ATE1: variants seen among roughly 807,000 people sequenced by gnomAD.
ATE1 encodes the protein arginyltransferase 1.
Under a neutral mutation model 70.5 loss-of-function variants are expected in ATE1, and 36 were observed. The ratio of observed to expected loss-of-function variants is 0.51; its 90% CI spans 0.39 to 0.67. The LOEUF (loss-of-function observed/expected upper bound fraction) is 0.67, where lower values mean the gene tolerates loss of function less well. Ranked by LOEUF, ATE1 falls within the 30% of genes least tolerant of loss-of-function variation. The probability of loss-of-function intolerance (pLI) is 0.00; values close to 1 mark genes in which losing one functional copy is unlikely to be tolerated. For synonymous variants in ATE1, 232 were observed against 219.3 expected (o/e 1.06, Z -0.51); for missense variants, 593 against 629.5 (o/e 0.94, Z 0.62).
chr10:121,781,777 C>T (rs1311020744), intron 11 of ATE1, among the ~76,000 whole-genome samples: 2 of 152,328 alleles, frequency 1.3e-5, no homozygotes, highest in East Asian at 3.9e-4. Flanking sequence ...CTATTGTCAA[C>T]ATGCCCTTCT....
At chr10:121,884,111 A>AAG (rs1427179393) in intron 7 of ATE1, among the ~76,000 whole-genome samples, 1 of 149,858 alleles carries the variant, frequency 6.7e-6, no homozygotes, top group East Asian at 1.9e-4. Context: ...GACTCAAAAA[A>AAG]AAAAAAAAAA....
chr10:121,762,631 A>T (rs1235116886), intron 11 of ATE1, among the ~76,000 whole-genome samples: 1 of 151,976 alleles, frequency 6.6e-6, no homozygotes, highest in Non-Finnish European at 1.5e-5. Flanking sequence ...AGTGTGAGTG[A>T]GCTTGGTGAG....
intron 5 of ATE1, among the ~76,000 whole-genome samples, chr10:121,908,536 T>A (rs908954547): frequency 6.6e-6 from 1 of 151,982 alleles, no homozygotes; most frequent in African/African-American, 2.4e-5. Flanking sequence ...TTGCTATGGG[T>A]TTTTATGAGA....
chr10:121,892,589 C>A (rs1455142651), intron 7 of ATE1, among the ~76,000 whole-genome samples: 3 of 151,754 alleles, frequency 2.0e-5, no homozygotes. Flanking sequence ...TCACTGCAAC[C>A]TCTGCCTTCC....
At chr10:121,819,228 G>C (rs2133565677) in intron 10 of ATE1, among the ~76,000 whole-genome samples, 1 of 152,286 alleles carries the variant, frequency 6.6e-6, no homozygotes, top group South Asian at 2.1e-4. Flanking sequence ...CTCTTGGAAT[G>C]GAATGTACTC....
At chr10:121,908,151 T>G (rs1012911094) in intron 5 of ATE1, among the ~76,000 whole-genome samples, 4 of 152,122 alleles carry the variant, frequency 2.6e-5, no homozygotes, top group African/African-American at 9.7e-5. Context: ...ACAAGAAAAC[T>G]AACTGGTCAC....
At chr10:121,916,651 C>T (rs533600048) in intron 3 of ATE1, among the ~76,000 whole-genome samples, 2 of 151,870 alleles carry the variant, frequency 1.3e-5, no homozygotes, top group Non-Finnish European at 2.9e-5. Context: ...CTGGCTAACA[C>T]GGTGAAACCC....
At chr10:121,887,096 C>A (rs1051288383) in intron 7 of ATE1, among the ~76,000 whole-genome samples, 20 of 152,054 alleles carry the variant, frequency 1.3e-4, no homozygotes, top group African/African-American at 4.6e-4. Context: ...GAAAAAGAAG[C>A]CTTTATTCAT....
At position 121,786,202 on chromosome 10, in the gene ATE1, G is replaced by GTTTT. The variant is rs66781912; in HGVS notation, c.1378+3963_1378+3966dup. Among the ~76,000 whole-genome samples, 11 of 84,518 alleles carry GTTTT rather than the reference G, an allele frequency of 1.3e-4. No individual in the cohort carries two copies. In the East Asian group the frequency reaches 2.8e-3, roughly 22 times the overall value. 55.4% of individuals were successfully genotyped at this position (84,518 alleles called of 152,430 possible). ...TGGGAAACAGCACATGCTCAAGAAA[G>GTTTT]TTTTTTTTTTTTTTTTTTTTTTTTT... On this transcript the variant is annotated intron_variant, in intron 11 of 11. Transcript: ENST00000224652.
intron 10 of ATE1, among the ~76,000 whole-genome samples, chr10:121,818,508 A>T (rs974430782): frequency 6.6e-6 from 1 of 152,198 alleles, no homozygotes; most frequent in Non-Finnish European, 1.5e-5. Flanking sequence ...GCAGGCACTC[A>T]AACACACAAA....
chr10:121,880,121 G>C (rs915962791), intron 7 of ATE1, among the ~76,000 whole-genome samples: 4 of 152,086 alleles, frequency 2.6e-5, no homozygotes, highest in African/African-American at 9.7e-5. Flanking sequence ...AATAAAAATG[G>C]AATATGTTAT....
rs1271607082 is a variant in ATE1 at position 121,741,937 on chromosome 10, T to C, written c.*1743A>G. 6.6e-6 allele frequency: 1 copy of C among 152,222 alleles called. No individual in the cohort carries two copies. Among genetic ancestry groups the C allele is most frequent in the East Asian group, 1.9e-4 (1 of 5,198 alleles). 9.4% of individuals were successfully genotyped at this position (152,222 alleles called of 1,614,324 possible). On this transcript the variant is annotated 3_prime_UTR_variant, in exon 12 of 12. Transcript: ENST00000224652. ...TTCTTAATGTTCTAACTGCTTACAGTGTCACTTTTGTTATAATCATAAAAT... is the reference window on the plus strand; with the variant it reads ...TTCTTAATGTTCTAACTGCTTACAGCGTCACTTTTGTTATAATCATAAAAT...
intron 8 of ATE1, among the ~76,000 whole-genome samples, chr10:121,858,029 T>C (rs1949312459): frequency 1.3e-5 from 2 of 152,214 alleles, no homozygotes; most frequent in Admixed American, 1.3e-4. Context: ...TTCCCTCCTT[T>C]TTAAGGCTGA....
intron 10 of ATE1, among the ~76,000 whole-genome samples, chr10:121,817,405 G>A (rs1056189749): frequency 9.9e-5 from 15 of 152,160 alleles, no homozygotes; most frequent in African/African-American, 3.6e-4. Context: ...CGGGCGCAGT[G>A]GCGGGCGCCT....
chr10:121,849,316 G>A (rs749506958), intron 8 of ATE1, among the ~76,000 whole-genome samples: 9 of 152,046 alleles, frequency 5.9e-5, no homozygotes, highest in Non-Finnish European at 4.4e-5. Context: ...TGTTGTACCA[G>A]CTTGAAATAC....
intron 11 of ATE1, among the ~76,000 whole-genome samples, chr10:121,780,871 C>T (rs1315070365): frequency 2.6e-5 from 4 of 152,180 alleles, no homozygotes; most frequent in Admixed American, 6.5e-5. Context: ...CTCCCACATG[C>T]TACTTGTCAC....
intron 8 of ATE1, among the ~76,000 whole-genome samples, chr10:121,859,356 A>C (rs10887002): frequency 0.32 from 47,430 of 148,960 alleles, 7,671 homozygotes; most frequent in South Asian, 0.43. Flanking sequence ...TCCCGGGTTC[A>C]CGCCATTCTC....
At chr10:121,784,335 C>T (rs1946119839) in intron 11 of ATE1, among the ~76,000 whole-genome samples, 1 of 152,160 alleles carries the variant, frequency 6.6e-6, no homozygotes, top group African/African-American at 2.4e-5. Flanking sequence ...TATCTTAAGA[C>T]ATCTTAGTTT....
chr10:121,753,721 T>C (rs907669647), intron 11 of ATE1, among the ~76,000 whole-genome samples: 1 of 152,242 alleles, frequency 6.6e-6, no homozygotes, highest in Admixed American at 6.5e-5. Flanking sequence ...TAAATACTCA[T>C]CTTAGACACT....
Sources: gnomAD v4.1 joint callset for allele counts (sites outside exome capture counted in the v4.1 genomes callset) on GRCh38, gnomAD v4.1.1 for gene constraint, MANE v1.5 for transcripts, NCBI Gene and HGNC (gene_info 2026-07-23, HGNC 2026-07-21) for gene names.